The following PPP1R3A variants were observed in gnomAD, a reference collection of about 807,000 sequenced individuals.
The protein encoded by PPP1R3A is RG1.
Under a neutral mutation model 41.7 loss-of-function variants are expected in PPP1R3A, and 29 were observed. The observed-to-expected ratio is 0.70, with a 90% CI of 0.52 to 0.95. The LOEUF (loss-of-function observed/expected upper bound fraction) is 0.95. Ranked by LOEUF, PPP1R3A falls within the 40% of genes least tolerant of loss-of-function variation. PPP1R3A has a pLI of 0.00. For synonymous variants in PPP1R3A, 485 were observed against 453.4 expected (o/e 1.07, Z -0.89); for missense variants, 1,352 against 1,292.4 (o/e 1.05, Z -0.71).
chr7:113,883,182 A>C (rs1202409791), intron 1 of PPP1R3A, among the ~76,000 whole-genome samples: 1 of 152,060 alleles, frequency 6.6e-6, no homozygotes, highest in Non-Finnish European at 1.5e-5. Flanking sequence ...TAGTTATGTC[A>C]CAAGTCAATT....
At chr7:113,896,061 T>C (rs1796970414) in intron 1 of PPP1R3A, among the ~76,000 whole-genome samples, 1 of 151,876 alleles carries the variant, frequency 6.6e-6, no homozygotes, top group South Asian at 2.1e-4. Flanking sequence ...TGATAGGCCA[T>C]AATGACGCCT....
At chr7:113,905,527 C>A (rs1327526141) in intron 1 of PPP1R3A, among the ~76,000 whole-genome samples, 1 of 151,778 alleles carries the variant, frequency 6.6e-6, no homozygotes, top group Non-Finnish European at 1.5e-5. Flanking sequence ...TGTAACTTTT[C>A]TATAAATCTA....
At chr7:113,897,322 T>G (rs1433744228) in intron 1 of PPP1R3A, among the ~76,000 whole-genome samples, 1 of 151,772 alleles carries the variant, frequency 6.6e-6, no homozygotes, top group Non-Finnish European at 1.5e-5. Context: ...CTTGAGGAGA[T>G]CCTACATAGA....
At chr7:113,880,976 C>A (rs375858842) in intron 3 of PPP1R3A, among the ~76,000 whole-genome samples, 1 of 152,034 alleles carries the variant, frequency 6.6e-6, no homozygotes, top group Admixed American at 6.6e-5. Context: ...GATGTACAAT[C>A]TCAGTAACTT....
rs867656010 is a variant in PPP1R3A at position 113,880,049 on chromosome 7, TTGAC to T, written c.1039_1042del (p.Val347IlefsTer9). 1.7e-5 allele frequency: 27 copies of T among 1,610,668 alleles called. No individual in the cohort carries two copies. The highest frequency in any genetic ancestry group is 2.0e-5 in the Non-Finnish European group (24 of 1,177,418). On this transcript the variant is annotated frameshift_variant, in exon 4 of 4. Transcript: ENST00000284601. LOFTEE classifies it low-confidence loss of function (END_TRUNC). ...TAACCCCTCTGCTTTATTTGGAAAATTGACTGGATCTGTTGAAAATGTATTCCTT... is the reference window on the plus strand; with the variant it reads ...TAACCCCTCTGCTTTATTTGGAAAATTGGATCTGTTGAAAATGTATTCCTT...
chr7:113,883,008 AC>A, intron 1 of PPP1R3A, among the ~76,000 whole-genome samples: 1 of 152,128 alleles, frequency 6.6e-6, no homozygotes, highest in East Asian at 1.9e-4. Context: ...GATTTGGGTT[AC>A]ATTTCCTTTT....
intron 1 of PPP1R3A, among the ~76,000 whole-genome samples, chr7:113,915,447 G>C (rs1173149626): frequency 6.6e-6 from 1 of 151,082 alleles, no homozygotes; most frequent in East Asian, 1.9e-4. Context: ...TCTACACTAG[G>C]GCAGCCTGAT....
At chr7:113,909,223 T>A (rs1797199594) in intron 1 of PPP1R3A, among the ~76,000 whole-genome samples, 1 of 152,048 alleles carries the variant, frequency 6.6e-6, no homozygotes. Flanking sequence ...AAAGAAATGT[T>A]ATTTTAAAAT....
At position 113,882,264 on chromosome 7, in the gene PPP1R3A, G is replaced by A; in HGVS notation, c.839C>T (p.Thr280Ile). 6.7e-7 allele frequency: 1 copy of A among 1,503,720 alleles called. No individual in the cohort carries two copies. 93.1% of individuals were successfully genotyped at this position (1,503,720 alleles called of 1,614,324 possible). ...TTAAAATTAATGAAGAATATTACCT[G>A]TATTCTTTGGATTCTCAAAGTTATT... Reference protein sequence around the residue: ...EENNFENPKNTDTYIPTIICS... With the variant: ...EENNFENPKNIDTYIPTIICS... The change falls in exon 2 of 4, where the codon ACA (threonine) becomes ATA (isoleucine). Residue 280 changes from threonine to isoleucine, a missense_variant and splice_region_variant. Coordinates refer to ENST00000284601, the MANE Select transcript of PPP1R3A (RefSeq NM_002711.4).
chr7:113,879,065 A>T lies in PPP1R3A; in HGVS notation c.2027T>A (p.Ile676Asn). The change falls in exon 4 of 4, where the codon ATC (isoleucine) becomes AAC (asparagine). Residue 676 changes from isoleucine (I) to asparagine (N), a missense_variant. Transcript: ENST00000284601. Reference protein sequence around the residue: ...RENKTNITEHIKGQTDCEDVW... With the variant: ...RENKTNITEHNKGQTDCEDVW... ...GTCTTCACAATCTGTTTGTCCTTTG[A>T]TATGCTCTGTTATGTTTGTCTTATT... 6.2e-7 allele frequency: 1 copy of T among 1,613,616 alleles called. No homozygotes were observed. Among genetic ancestry groups the T allele is most frequent in the Middle Eastern group, 1.6e-4 (1 of 6,062 alleles).
At position 113,882,607 on chromosome 7, in the gene PPP1R3A, T is replaced by C. The variant is rs35436835; in HGVS notation, c.783-287A>G. Among the ~76,000 whole-genome samples the C allele has an allele frequency of 0.31, 47,021 of 151,712 alleles. 7,292 individuals are homozygous for C. Among genetic ancestry groups the C allele is most frequent in the Admixed American group, 0.38 (5,825 of 15,190 alleles). ...TTAAGAAAATATATTAAAACTTATA[T>C]AACCAAAGTAAAAACATATGTAAAT... On this transcript the variant is annotated intron_variant, in intron 1 of 3. Transcript: ENST00000284601.
chr7:113,878,712 C>G lies in PPP1R3A; in HGVS notation c.2380G>C (p.Gly794Arg). 1 of 1,613,324 alleles carries G rather than the reference C, an allele frequency of 6.2e-7. No individual in the cohort carries two copies. The highest frequency in any genetic ancestry group is 1.7e-4 in the Middle Eastern group (1 of 6,056). The change falls in exon 4 of 4, where the codon GGT (glycine) becomes CGT (arginine). Residue 794 changes from glycine to arginine, a missense_variant. Coordinates refer to ENST00000284601, the MANE Select transcript of PPP1R3A (RefSeq NM_002711.4). ...HYTLCQRDTV[G>R]VIYDNDFEKE... is the part of the protein sequence containing the mutation. ...TCAAAATCATTGTCATAGATTACACCTACTGTATCTCGTTGACAAAGGGTA... is the reference window on the plus strand; with the variant it reads ...TCAAAATCATTGTCATAGATTACACGTACTGTATCTCGTTGACAAAGGGTA...
At position 113,915,588 on chromosome 7, in the gene PPP1R3A, T is replaced by C. The variant is rs1797326957; in HGVS notation, c.782+2627A>G. 2.7e-5 allele frequency among the ~76,000 whole-genome samples: 4 copies of C among 148,500 alleles called. No individual in the cohort carries two copies. The South Asian group carries it at 8.4e-4, about 31-fold the overall frequency. On this transcript the variant is annotated intron_variant, in intron 1 of 3. Coordinates refer to ENST00000284601, the MANE Select transcript of PPP1R3A (RefSeq NM_002711.4). ...ATATACATATATACATACATATACA[T>C]ACATATATACATATACATATATATA...
In PPP1R3A at chr7:113,888,006, C is replaced by T. The variant is rs535549949; in HGVS notation, c.783-5686G>A. On this transcript the variant is annotated intron_variant, in intron 1 of 3. Transcript: ENST00000284601. ...TTGTGCCATTGCACTGCAGTCTGGG[C>T]GGCGGAGCAAGACTCTGTCTCAAGG... Among the ~76,000 whole-genome samples the T allele has an allele frequency of 1.1e-4, 16 of 150,650 alleles. No homozygotes were observed. In the South Asian group the frequency reaches 1.3e-3, roughly 12 times the overall value.
At chr7:113,880,426 T>TA (rs1368224557) in intron 3 of PPP1R3A, among the ~76,000 whole-genome samples, 1 of 152,032 alleles carries the variant, frequency 6.6e-6, no homozygotes, top group African/African-American at 2.4e-5. Flanking sequence ...TCTCCTCACT[T>TA]AGACTATACA....
chr7:113,901,271 G>A (rs552210744), intron 1 of PPP1R3A, among the ~76,000 whole-genome samples: 3 of 151,586 alleles, frequency 2.0e-5, no homozygotes, highest in East Asian at 2.0e-4. Flanking sequence ...GAAAATAGAC[G>A]GCGAAGGTCC....
At position 113,879,066 on chromosome 7, in the gene PPP1R3A, T is replaced by G. The variant is rs774520205; in HGVS notation, c.2026A>C (p.Ile676Leu). 6.2e-6 allele frequency: 10 copies of G among 1,613,782 alleles called. No homozygotes were observed. In the East Asian group the frequency reaches 2.2e-4, roughly 36 times the overall value. ...TCTTCACAATCTGTTTGTCCTTTGATATGCTCTGTTATGTTTGTCTTATTC... is the reference window on the plus strand; with the variant it reads ...TCTTCACAATCTGTTTGTCCTTTGAGATGCTCTGTTATGTTTGTCTTATTC... ...RENKTNITEH[I>L]KGQTDCEDVW... Residue 676 changes from isoleucine to leucine, a missense_variant, in exon 4 of 4, where the codon ATC becomes CTC. Transcript: ENST00000284601.
chr7:113,882,350 T>C (rs560704288), intron 1 of PPP1R3A, 30 bp from the exon 2 acceptor site: 39 of 1,315,342 alleles, frequency 3.0e-5, no homozygotes, highest in Middle Eastern at 4.6e-4. Context: ...ATGTTATATG[T>C]TTTTCTGGGA....
chr7:113,910,482 A>T (rs976180634), intron 1 of PPP1R3A, among the ~76,000 whole-genome samples: 2 of 152,104 alleles, frequency 1.3e-5, no homozygotes, highest in Admixed American at 1.3e-4. Context: ...ATTATATGTG[A>T]ACAATATAAT....
Sources: gnomAD v4.1 joint callset for allele counts (sites outside exome capture counted in the v4.1 genomes callset) on GRCh38, gnomAD v4.1.1 for gene constraint, MANE v1.5 for transcripts, NCBI Gene and HGNC (gene_info 2026-07-23, HGNC 2026-07-21) for gene names.